UBR3: variants seen among roughly 807,000 people sequenced by gnomAD.
UBR3 encodes the protein E3 ubiquitin-protein ligase UBR3.
UBR3 carries 85 observed loss-of-function variants against 243.2 expected under a neutral mutation model. The ratio of observed to expected loss-of-function variants is 0.35; its 90% CI spans 0.29 to 0.42. The LOEUF (loss-of-function observed/expected upper bound fraction) is 0.42, where lower values mean the gene tolerates loss of function less well. UBR3 is among the 10% of genes least tolerant of loss of function. The probability of loss-of-function intolerance (pLI) is 1.00; values close to 1 mark genes in which losing one functional copy is unlikely to be tolerated. For missense variants in UBR3, 1,686 were observed against 2,300.8 expected (o/e 0.73, Z 5.47); for synonymous variants, 748 against 799.8 (o/e 0.94, Z 1.09).
intron 31 of UBR3, among the ~76,000 whole-genome samples, chr2:170,039,815 A>ATTTATAATTAT (rs1463174843): frequency 2.6e-5 from 4 of 152,180 alleles, no homozygotes; most frequent in African/African-American, 7.2e-5. Context: ...TTTTAGAATA[A>ATTTATAATTAT]GCTCTGCTTT....
rs2086006679 is a variant in UBR3 at position 169,928,830 on chromosome 2, C to T, written c.2528C>T (p.Pro843Leu). Residue 843 changes from proline to leucine, a missense_variant, in exon 18 of 39, where the codon CCT becomes CTT. Transcript: ENST00000272793. ...GATTTTAAGGCTCCTGTTTTTGAAC[C>T]TGGAGGTTCTATGCAACAAGGCATG... ...VADFKAPVFE[P>L]GGSMQQGMYT... 5 of 1,498,598 alleles carry T rather than the reference C, an allele frequency of 3.3e-6. No individual in the cohort carries two copies. Among genetic ancestry groups the T allele is most frequent in the East Asian group, 2.5e-5 (1 of 40,360 alleles). The allele number at this position is 1,498,598 out of a possible 1,614,324, so 92.8% of individuals were successfully genotyped here.
intron 1 of UBR3, among the ~76,000 whole-genome samples, chr2:169,850,825 CAG>C (rs1254657770): frequency 6.8e-6 from 1 of 147,912 alleles, no homozygotes; most frequent in African/African-American, 2.5e-5. Flanking sequence ...GCCTGGGCGA[CAG>C]AGAGAGACTC....
chr2:170,000,547 G>T (rs1234210553), intron 26 of UBR3, among the ~76,000 whole-genome samples: 1 of 152,234 alleles, frequency 6.6e-6, no homozygotes, highest in African/African-American at 2.4e-5. Flanking sequence ...TGACTAAATA[G>T]ATTGTGGAGT....
intron 32 of UBR3, among the ~76,000 whole-genome samples, chr2:170,045,295 G>A (rs1463807354): frequency 1.3e-5 from 2 of 152,264 alleles, no homozygotes; most frequent in South Asian, 2.1e-4. Context: ...CCATGATTCA[G>A]TTATCTCCCA....
chr2:169,896,499 G>C lies in UBR3; in HGVS notation c.1237-8G>C, dbSNP rs1166968625. 6.7e-7 allele frequency: 1 copy of C among 1,503,104 alleles called. No homozygotes were observed. The highest frequency in any genetic ancestry group is 2.2e-5 in the Admixed American group (1 of 46,020). 93.1% of individuals were successfully genotyped at this position (1,503,104 alleles called of 1,614,324 possible). A position where few individuals can be genotyped will look rare whatever the true frequency, so the allele number is the denominator to read the frequency against. ...TGTGTTTTTTCCTTTCTATTAAAAT[G>C]TTTACAGGTTGCTTTTACAAAAACT... On this transcript the variant is annotated splice_region_variant and splice_polypyrimidine_tract_variant and intron_variant, in intron 7 of 38. Transcript: ENST00000272793.
Position 169,827,765 on chromosome 2 carries a change from C to A in UBR3, c.258C>A (p.Ala86=). The change falls in exon 1 of 39, where the codon GCC becomes GCA. Residue 86 remains alanine, a synonymous_variant. Transcript: ENST00000272793. ...AAGGGGGPGA[A]EEEALEWCKC... ...GAGGCGGGGGCGGTCCGGGGGCGGCCGAGGAGGAGGCCCTGGAGTGGTGTA... is the reference window on the plus strand; with the variant it reads ...GAGGCGGGGGCGGTCCGGGGGCGGCAGAGGAGGAGGCCCTGGAGTGGTGTA... The A allele has an allele frequency of 7.6e-7, 1 of 1,310,788 alleles. No homozygotes were observed. The allele number at this position is 1,310,788 out of a possible 1,614,324, so 81.2% of individuals were successfully genotyped here.
At position 169,947,653 on chromosome 2, in the gene UBR3, G is replaced by C; in HGVS notation, c.3022G>C (p.Ala1008Pro). 6.5e-7 allele frequency: 1 copy of C among 1,540,138 alleles called. No individual in the cohort carries two copies. The highest frequency in any genetic ancestry group is 8.8e-7 in the Non-Finnish European group (1 of 1,141,520). The change falls in exon 22 of 39, where the codon GCT (alanine) becomes CCT (proline). Residue 1008 changes from alanine (A) to proline (P), a missense_variant. By Grantham distance (27) the Ala-to-Pro change is conservative. Transcript: ENST00000272793. ...TGTTAGAGTAAGAGTTCCAGAGACT[G>C]CTCCTGAAGTAAAGAGAGACTCACC... ...NYVRVRVPETAPEVKRDSPAS... is the reference protein window; with the variant it reads ...NYVRVRVPETPPEVKRDSPAS...
rs1344560245 is a variant in UBR3 at position 169,827,699 on chromosome 2, G to T, written c.192G>T (p.Pro64=). 1 of 1,213,444 alleles carries T rather than the reference G, an allele frequency of 8.2e-7. No homozygotes were observed. The highest frequency in any genetic ancestry group is 1.0e-6 in the Non-Finnish European group (1 of 979,618). The allele number at this position is 1,213,444 out of a possible 1,614,324, so 75.2% of individuals were successfully genotyped here. ...AGCGGGTGCTGAGCGCCGAGCGGCCGCTGGCCGCGGCTGCCGGCGGCGAGG... is the reference window on the plus strand; with the variant it reads ...AGCGGGTGCTGAGCGCCGAGCGGCCTCTGGCCGCGGCTGCCGGCGGCGAGG... ...LLERVLSAER[P]LAAAAGGEDA... Residue 64 remains proline (P), a synonymous_variant, in exon 1 of 39, where the codon CCG becomes CCT. Transcript: ENST00000272793.
In UBR3 at chr2:170,023,145, T is replaced by G. The variant is rs544401743; in HGVS notation, c.4454-6201T>G. Among the ~76,000 whole-genome samples, 137 of 151,776 alleles carry G rather than the reference T, an allele frequency of 9.0e-4. 2 individuals are homozygous for G. In the East Asian group the frequency reaches 0.011, roughly 12 times the overall value. On this transcript the variant is annotated intron_variant, in intron 30 of 38. Transcript: ENST00000272793. ...AGTCATTTGGCTAGTTGAGTTTTTTTTTTTTTTTTAAGGGACAGGGTCTTG... is the reference window on the plus strand; with the variant it reads ...AGTCATTTGGCTAGTTGAGTTTTTTGTTTTTTTTTAAGGGACAGGGTCTTG...
chr2:169,945,258 G>A (rs919143256), intron 20 of UBR3, among the ~76,000 whole-genome samples: 4 of 151,760 alleles, frequency 2.6e-5, no homozygotes, highest in Non-Finnish European at 4.4e-5. Context: ...AGGTCAACTA[G>A]GAATAGACAG....
chr2:170,073,606 A>G lies in UBR3; in HGVS notation c.5198A>G (p.Lys1733Arg). The G allele has an allele frequency of 6.2e-7, 1 of 1,612,926 alleles. No homozygotes were observed. Among genetic ancestry groups the G allele is most frequent in the African/African-American group, 1.3e-5 (1 of 74,988 alleles). ...ACTGAAAGACATGCAGAACAAGGAA[A>G]GGTATGTTAAAAGAGTTGTACTAGC... ...SFTERHAEQG[K>R]ALLIQESKWK... The change falls in exon 36 of 39, where the codon AAG becomes AGG. Residue 1733 changes from lysine (K) to arginine (R), a missense_variant and splice_region_variant. Lys to Arg is a conservative substitution (Grantham distance 26). Transcript: ENST00000272793.
intron 8 of UBR3, among the ~76,000 whole-genome samples, chr2:169,897,655 C>T (rs2084644640): frequency 6.6e-6 from 1 of 151,964 alleles, no homozygotes; most frequent in Admixed American, 6.6e-5. Flanking sequence ...TGTACATCAC[C>T]ATGTCTGGCT....
At position 169,958,565 on chromosome 2, in the gene UBR3, A is replaced by G. The variant is rs2087419642; in HGVS notation, c.3634+39A>G. The G allele has an allele frequency of 2.6e-6, 4 of 1,550,550 alleles. No individual in the cohort carries two copies. In the East Asian group the frequency reaches 6.8e-5, roughly 26 times the overall value. On this transcript the variant is annotated intron_variant, in intron 24 of 38. Transcript: ENST00000272793. ...ATTAGTTTAGAACTCTCATAATTAT[A>G]CTTATTACTTTAGGGATGATGTAGT...
chr2:169,885,674 CT>C (rs1056399654), intron 5 of UBR3, among the ~76,000 whole-genome samples: 8 of 151,886 alleles, frequency 5.3e-5, no homozygotes, highest in African/African-American at 1.4e-4. Context: ...GTTTACTTTT[CT>C]TTTTTTCCTG....
At position 169,827,768 on chromosome 2, in the gene UBR3, G is replaced by A. The variant is rs1307848061; in HGVS notation, c.261G>A (p.Glu87=). ...GCGGGGGCGGTCCGGGGGCGGCCGA[G>A]GAGGAGGCCCTGGAGTGGTGTAAGT... The part of the protein sequence containing the change: ...AGGGGGPGAA[E]EEALEWCKCL... The change falls in exon 1 of 39, where the codon GAG becomes GAA. Residue 87 remains glutamate, a synonymous_variant. Coordinates refer to ENST00000272793, the MANE Select transcript of UBR3 (RefSeq NM_172070.4). 17 of 1,322,514 alleles carry A rather than the reference G, an allele frequency of 1.3e-5. No homozygotes were observed. The South Asian group carries it at 2.8e-4, about 22-fold the overall frequency. The allele number at this position is 1,322,514 out of a possible 1,614,324, so 81.9% of individuals were successfully genotyped here. A position where few individuals can be genotyped will look rare whatever the true frequency, so the allele number is the denominator to read the frequency against.
intron 1 of UBR3, among the ~76,000 whole-genome samples, chr2:169,858,021 A>G (rs545757461): frequency 2.3e-4 from 35 of 152,344 alleles, no homozygotes; most frequent in Non-Finnish European, 3.8e-4. Context: ...TAGTGTTTTT[A>G]GGAGTTACCT....
At chr2:170,007,944 T>A (rs2089973181) in intron 28 of UBR3, among the ~76,000 whole-genome samples, 1 of 152,156 alleles carries the variant, frequency 6.6e-6, no homozygotes, top group South Asian at 2.1e-4. Context: ...TATCTCAATA[T>A]AAAACACAAT....
chr2:169,971,266 T>G lies in UBR3; in HGVS notation c.3634+12740T>G, dbSNP rs1194144622. Among the ~76,000 whole-genome samples, 62 of 151,162 alleles carry G rather than the reference T, an allele frequency of 4.1e-4. 1 individual carries two copies. The highest frequency in any genetic ancestry group is 1.8e-4 in the Non-Finnish European group (12 of 67,680). The stretch of plus-strand genomic sequence containing the variant: ...GTAGGTTGCGAAAATTTTCTCCCAT[T>G]CTGTAGGTTGCCTGTTCACTCTGAT... On this transcript the variant is annotated intron_variant, in intron 24 of 38. Coordinates refer to ENST00000272793, the MANE Select transcript of UBR3 (RefSeq NM_172070.4).
chr2:170,078,039 G>A (rs181596150), intron 36 of UBR3: 1 of 686,906 alleles, frequency 1.5e-6, no homozygotes, highest in Admixed American at 1.9e-5. Context: ...CCAGCAGATA[G>A]GCAGGTACTG....
Sources: gnomAD v4.1 joint callset for allele counts (sites outside exome capture counted in the v4.1 genomes callset) on GRCh38, gnomAD v4.1.1 for gene constraint, MANE v1.5 for transcripts, NCBI Gene and HGNC (gene_info 2026-07-23, HGNC 2026-07-21) for gene names.